Variants in LUZP2 observed in about 807,000 individuals in gnomAD.
LUZP2 encodes the protein leucine zipper protein 2.
Under a neutral mutation model 51.6 loss-of-function variants are expected in LUZP2, and 52 were observed. The ratio of observed to expected loss-of-function variants is 1.01; its 90% CI spans 0.81 to 1.27. LUZP2 has a LOEUF of 1.27. Ranked by LOEUF, LUZP2 falls within the 50% of genes most tolerant of loss-of-function variation. The pLI, the probability that LUZP2 is intolerant of heterozygous loss-of-function variation, is 0.00. For synonymous variants in LUZP2, 154 were observed against 137.3 expected, an observed-to-expected ratio of 1.12 and a Z score of -0.85; for missense variants, 436 against 395.4, an observed-to-expected ratio of 1.10 and a Z score of -0.87.
intron 9 of LUZP2, among the ~76,000 whole-genome samples, chr11:25,016,635 GTGTC>G (rs1156611014): frequency 8.1e-6 from 1 of 123,506 alleles, no homozygotes; most frequent in Non-Finnish European, 1.9e-5. Context: ...GTGTGTGTTT[GTGTC>G]TGTGTGTACC....
At position 24,680,982 on chromosome 11, in the gene LUZP2, T is replaced by A. The variant is rs1222789838; in HGVS notation, c.63-48187T>A. Among the ~76,000 whole-genome samples the A allele has an allele frequency of 7.3e-4, 109 of 150,086 alleles. 2 individuals carry two copies. In the South Asian group the frequency reaches 0.014, roughly 19 times the overall value. ...TTTAATTTCTTTCTTTATTTTTTTT[T>A]TTTTTTTTTTGAGACGGAGTCTCGC... is the stretch of plus-strand genomic sequence containing the variant. On this transcript the variant is annotated intron_variant, in intron 1 of 11. Coordinates refer to ENST00000336930, the MANE Select transcript of LUZP2 (RefSeq NM_001009909.4).
chr11:24,591,095 C>A (rs1199356319), intron 1 of LUZP2, among the ~76,000 whole-genome samples: 2 of 151,854 alleles, frequency 1.3e-5, no homozygotes, highest in Non-Finnish European at 2.9e-5. Flanking sequence ...GGTGACAGAG[C>A]AAGCCCCAAT....
intron 2 of LUZP2, among the ~76,000 whole-genome samples, chr11:24,731,868 A>G (rs1039595632): frequency 6.6e-6 from 1 of 151,730 alleles, no homozygotes; most frequent in Admixed American, 6.6e-5. Context: ...AGACCTAGAT[A>G]TTTGGAGAGT....
intron 9 of LUZP2, among the ~76,000 whole-genome samples, chr11:25,025,099 A>G (rs1342768196): frequency 6.6e-6 from 1 of 152,226 alleles, no homozygotes; most frequent in Non-Finnish European, 1.5e-5. Flanking sequence ...CCATATGTAG[A>G]AAGGTGAAAT....
intron 1 of LUZP2, among the ~76,000 whole-genome samples, chr11:24,561,603 A>G (rs1213121042): frequency 6.6e-6 from 1 of 152,248 alleles, no homozygotes; most frequent in African/African-American, 2.4e-5. Context: ...GTTCTCACTC[A>G]TAAGTGGTAG....
intron 1 of LUZP2, among the ~76,000 whole-genome samples, chr11:24,520,295 A>G (rs1285840038): frequency 1.3e-5 from 2 of 152,220 alleles, no homozygotes; most frequent in Non-Finnish European, 2.9e-5. Flanking sequence ...CCGAAAAGCA[A>G]TATTTGGAAA....
intron 1 of LUZP2, among the ~76,000 whole-genome samples, chr11:24,687,790 A>T (rs942831840): frequency 5.3e-5 from 8 of 152,198 alleles, no homozygotes; most frequent in African/African-American, 1.9e-4. Flanking sequence ...TGGTCTGAAG[A>T]TCTAAATATA....
intron 9 of LUZP2, among the ~76,000 whole-genome samples, chr11:24,983,776 C>T (rs1040887847): frequency 1.3e-5 from 2 of 149,478 alleles, no homozygotes; most frequent in South Asian, 4.2e-4. Context: ...AAAAAAAAGC[C>T]TTACTCCTGG....
rs78387472 is a variant in LUZP2 at position 24,951,144 on chromosome 11, C to T, written c.523-25447C>T. Among the ~76,000 whole-genome samples the T allele has an allele frequency of 5.1e-3, 780 of 151,536 alleles. 5 individuals are homozygous for T. Among genetic ancestry groups the T allele is most frequent in the African/African-American group, 0.018 (740 of 41,454 alleles). ...ATGTACATTATCTTATGTAGATTTG[C>T]GAGAATATACTTAATTACTGAATGC... On this transcript the variant is annotated intron_variant, in intron 7 of 11. Transcript: ENST00000336930.
chr11:24,822,708 T>C (rs1850396409), intron 5 of LUZP2, among the ~76,000 whole-genome samples: 1 of 152,202 alleles, frequency 6.6e-6, no homozygotes, highest in Non-Finnish European at 1.5e-5. Flanking sequence ...TGGATTTCCA[T>C]CTAGGGTAGT....
chr11:24,880,718 A>G (rs1257631343), intron 5 of LUZP2, among the ~76,000 whole-genome samples: 1 of 151,840 alleles, frequency 6.6e-6, no homozygotes, highest in Non-Finnish European at 1.5e-5. Context: ...GTTAGATTAT[A>G]AATTTCTAGA....
chr11:24,902,365 C>T (rs1466924581), intron 5 of LUZP2, among the ~76,000 whole-genome samples: 2 of 152,054 alleles, frequency 1.3e-5, no homozygotes, highest in Non-Finnish European at 2.9e-5. Context: ...CTCTTTGTGT[C>T]CATGAAGCAC....
intron 7 of LUZP2, among the ~76,000 whole-genome samples, chr11:24,919,573 T>C (rs886317974): frequency 6.9e-6 from 1 of 144,874 alleles, no homozygotes; most frequent in African/African-American, 2.5e-5. Flanking sequence ...TAATTTTTAA[T>C]TTAAATACAC....
intron 1 of LUZP2, among the ~76,000 whole-genome samples, chr11:24,505,806 A>G (rs530221157): frequency 6.6e-6 from 1 of 152,298 alleles, no homozygotes; most frequent in East Asian, 1.9e-4. Context: ...TTAAACAACT[A>G]TAAGGCTTTT....
At chr11:24,563,407 T>A (rs1184482052) in intron 1 of LUZP2, among the ~76,000 whole-genome samples, 1 of 152,232 alleles carries the variant, frequency 6.6e-6, no homozygotes, top group Non-Finnish European at 1.5e-5. Context: ...CAAGGGTTTT[T>A]AAATTGAAAA....
chr11:24,894,952 A>T (rs1852988581), intron 5 of LUZP2, among the ~76,000 whole-genome samples: 2 of 152,204 alleles, frequency 1.3e-5, no homozygotes, highest in African/African-American at 4.8e-5. Context: ...ACAAACTAGG[A>T]TAATGGCTAG....
intron 9 of LUZP2, among the ~76,000 whole-genome samples, chr11:25,019,758 A>AAT (rs1565237107): frequency 6.6e-6 from 1 of 152,058 alleles, no homozygotes; most frequent in Non-Finnish European, 1.5e-5. Flanking sequence ...ACACTATTTA[A>AAT]ACTGCCGTTA....
rs561788341 is a variant in LUZP2 at position 24,939,022 on chromosome 11, C to T, written c.522+24484C>T. ...TCTAGCCACACTTTAAATTGGAAGG[C>T]CTAGCAATCTGATTAATCAGATTTG... On this transcript the variant is annotated intron_variant, in intron 7 of 11. Transcript: ENST00000336930. 1.8e-4 allele frequency among the ~76,000 whole-genome samples: 28 copies of T among 151,896 alleles called. No individual in the cohort carries two copies. In the South Asian group the frequency reaches 3.8e-3, roughly 20 times the overall value.
intron 9 of LUZP2, among the ~76,000 whole-genome samples, chr11:24,999,238 A>G (rs546992967): frequency 6.6e-6 from 1 of 152,256 alleles, no homozygotes; most frequent in East Asian, 1.9e-4. Flanking sequence ...CTTCAATTAT[A>G]CTTCTAAAAA....
Sources: allele counts gnomAD v4.1 joint callset (sites outside exome capture counted in the v4.1 genomes callset), GRCh38; gene constraint gnomAD v4.1.1; transcripts MANE v1.5; gene names NCBI Gene and HGNC (gene_info 2026-07-23, HGNC 2026-07-21).